The following IL1RAPL2 variants were observed in gnomAD, a reference collection of about 807,000 sequenced individuals.
The protein encoded by IL1RAPL2 is interleukin 1 receptor accessory protein like 2, also known as X-linked interleukin-1 receptor accessory protein-like 2.
IL1RAPL2 carries 3 observed loss-of-function variants against 44.1 expected under a neutral mutation model. The observed-to-expected ratio is 0.07, with a 90% CI of 0.03 to 0.18. The LOEUF (loss-of-function observed/expected upper bound fraction) is 0.18, where lower values mean the gene tolerates loss of function less well. Ranked by LOEUF, IL1RAPL2 falls within the 10% of genes least tolerant of loss-of-function variation. The pLI is 1.00. For synonymous variants in IL1RAPL2, 181 were observed against 178.8 expected (o/e 1.01, Z -0.10); for missense variants, 391 against 496.4 (o/e 0.79, Z 2.02).
chrX:105,058,746 C>T (rs1230393285), intron 2 of IL1RAPL2, among the ~76,000 whole-genome samples: 2 of 111,649 alleles, frequency 1.8e-5, no homozygotes, highest in Non-Finnish European at 1.9e-5. Flanking sequence ...CAGATAATAT[C>T]ATTGATAACA....
intron 3 of IL1RAPL2, among the ~76,000 whole-genome samples, chrX:105,205,064 C>T (rs1389088175): frequency 3.6e-5 from 4 of 110,799 alleles, no homozygotes; most frequent in African/African-American, 1.3e-4. Context: ...ACTGGGTAAT[C>T]GTAATTCTAC....
At chrX:105,474,307 G>T (rs2036184139) in intron 5 of IL1RAPL2, among the ~76,000 whole-genome samples, 1 of 111,548 alleles carries the variant, frequency 9.0e-6, no homozygotes. Flanking sequence ...CCTCCAGAAA[G>T]GTATGCAGCC....
At chrX:105,432,130 T>TA (rs1491275013) in intron 5 of IL1RAPL2, among the ~76,000 whole-genome samples, 1 of 3,601 alleles carries the variant, frequency 2.8e-4, no homozygotes, top group Non-Finnish European at 8.2e-4. Flanking sequence ...TCAATTTGCC[T>TA]TTTTTTTTTT....
At chrX:105,016,273 A>T (rs987510329) in intron 2 of IL1RAPL2, among the ~76,000 whole-genome samples, 1 of 111,381 alleles carries the variant, frequency 9.0e-6, no homozygotes, top group Non-Finnish European at 1.9e-5. Context: ...AGACAATTTG[A>T]CTTCCTCTTT....
chrX:105,610,834 A>G (rs1028697509), intron 6 of IL1RAPL2, among the ~76,000 whole-genome samples: 4 of 111,198 alleles, frequency 3.6e-5, no homozygotes, highest in Non-Finnish European at 7.5e-5. Flanking sequence ...TACTTATTCT[A>G]TACTTTTAAT....
At chrX:105,561,079 C>T (rs1569454155) in intron 6 of IL1RAPL2, among the ~76,000 whole-genome samples, 1 of 111,309 alleles carries the variant, frequency 9.0e-6, no homozygotes, top group Admixed American at 9.6e-5. Context: ...CAGTTTTAGA[C>T]ATTAGAAAGA....
chrX:104,596,149 T>C (rs1321775517), intron 1 of IL1RAPL2, among the ~76,000 whole-genome samples: 1 of 111,413 alleles, frequency 9.0e-6, no homozygotes, highest in African/African-American at 3.3e-5. Flanking sequence ...TTAATTAACA[T>C]ATTAATAATG....
chrX:105,219,560 G>A (rs2033919345), intron 3 of IL1RAPL2: 1 of 1,206,795 alleles, frequency 8.3e-7, no homozygotes, highest in Admixed American at 2.2e-5. Context: ...TCCACAGGGG[G>A]AGCCATGGCC....
chrX:104,947,656 C>A (rs971021289), intron 2 of IL1RAPL2, among the ~76,000 whole-genome samples: 1 of 108,900 alleles, frequency 9.2e-6, no homozygotes, highest in Non-Finnish European at 1.9e-5. Flanking sequence ...TTTCCCAGCA[C>A]CATTTATTAA....
At chrX:104,580,395 C>T (rs950431690) in intron 1 of IL1RAPL2, among the ~76,000 whole-genome samples, 9 of 112,831 alleles carry the variant, frequency 8.0e-5, no homozygotes, top group Non-Finnish European at 1.3e-4. Flanking sequence ...ACTTCAGGCA[C>T]GCCTGCTTTA....
chrX:104,963,738 C>T (rs762341538), intron 2 of IL1RAPL2, among the ~76,000 whole-genome samples: 23 of 111,401 alleles, frequency 2.1e-4, no homozygotes, highest in Admixed American at 7.6e-4. Flanking sequence ...CATGCTTCCT[C>T]CACCTCCATA....
rs149881924 is a variant in IL1RAPL2 at position 104,611,348 on chromosome X, G to T, written c.-20+44297G>T. Among the ~76,000 whole-genome samples the T allele has an allele frequency of 1.9e-3, 213 of 111,437 alleles. 1 individual carries two copies. The South Asian group carries it at 0.02, about 10-fold the overall frequency. On this transcript the variant is annotated intron_variant, in intron 1 of 10. Coordinates refer to ENST00000372582, the MANE Select transcript of IL1RAPL2 (RefSeq NM_017416.2). ...GGGCTGCTGCCTTTTGTTCAGATATGCCCTTCCCACAGAGGTGGACTCTAG... is the reference window on the plus strand; with the variant it reads ...GGGCTGCTGCCTTTTGTTCAGATATTCCCTTCCCACAGAGGTGGACTCTAG...
intron 2 of IL1RAPL2, among the ~76,000 whole-genome samples, chrX:104,964,555 C>T (rs1004680397): frequency 1.5e-4 from 17 of 110,269 alleles, no homozygotes; most frequent in African/African-American, 5.3e-4. Context: ...TTGTGATCCA[C>T]CCGCCTCAGC....
chrX:105,508,208 C>A (rs2036444746), intron 6 of IL1RAPL2, among the ~76,000 whole-genome samples: 1 of 111,069 alleles, frequency 9.0e-6, no homozygotes, highest in South Asian at 3.7e-4. Context: ...TTTAAAATTT[C>A]TTCTAAACCC....
intron 2 of IL1RAPL2, among the ~76,000 whole-genome samples, chrX:105,024,902 A>G (rs902672778): frequency 9.3e-6 from 1 of 107,466 alleles, no homozygotes; most frequent in Non-Finnish European, 1.9e-5. Flanking sequence ...GTTTTTCACA[A>G]TTTTCTTTTG....
At chrX:104,769,077 T>C (rs758246660) in intron 2 of IL1RAPL2, among the ~76,000 whole-genome samples, 3 of 111,625 alleles carry the variant, frequency 2.7e-5, no homozygotes, top group East Asian at 5.7e-4. Flanking sequence ...ATCCATAAAA[T>C]GAGCAGGTTA....
intron 5 of IL1RAPL2, among the ~76,000 whole-genome samples, chrX:105,276,010 C>A (rs762314683): frequency 6.3e-5 from 7 of 111,924 alleles, no homozygotes; most frequent in Non-Finnish European, 1.1e-4. Context: ...GTTGGTATAC[C>A]AATCCATTGT....
intron 5 of IL1RAPL2, among the ~76,000 whole-genome samples, chrX:105,267,920 T>G (rs1219802594): frequency 8.9e-6 from 1 of 111,807 alleles, no homozygotes; most frequent in Non-Finnish European, 1.9e-5. Flanking sequence ...ATCTGTTAGA[T>G]TTTTGGAATG....
At chrX:105,060,585 C>CT (rs1161187469) in intron 2 of IL1RAPL2, among the ~76,000 whole-genome samples, 2,796 of 70,093 alleles carry the variant, frequency 0.04, 74 homozygotes, top group Middle Eastern at 0.11. Flanking sequence ...TTTTCTTTTT[C>CT]TTTTTTTTTT....
Sources: gnomAD v4.1 joint callset for allele counts (sites outside exome capture counted in the v4.1 genomes callset) on GRCh38, gnomAD v4.1.1 for gene constraint, MANE v1.5 for transcripts, NCBI Gene and HGNC (gene_info 2026-07-23, HGNC 2026-07-21) for gene names.